RERE: variants seen among roughly 807,000 people sequenced by gnomAD.
RERE encodes the protein arginine-glutamic acid dipeptide repeats protein.
Under a neutral mutation model 146.1 loss-of-function variants are expected in RERE, and 40 were observed. The ratio of observed to expected loss-of-function variants is 0.27; its 90% CI spans 0.21 to 0.36. The LOEUF is 0.36. Ranked by LOEUF, RERE falls within the 10% of genes least tolerant of loss-of-function variation. The probability of loss-of-function intolerance (pLI) is 1.00; values close to 1 mark genes in which losing one functional copy is unlikely to be tolerated. For missense variants in RERE, 1,933 were observed against 2,138.7 expected (o/e 0.90, Z 1.90); for synonymous variants, 1,003 against 866.0 (o/e 1.16, Z -2.78).
Position 8,761,046 on chromosome 1 carries a change from A to C in RERE, c.-145+56114T>G, listed in dbSNP as rs1452203990. Among the ~76,000 whole-genome samples the C allele has an allele frequency of 2.0e-5, 3 of 152,210 alleles. No individual in the cohort carries two copies. In the East Asian group the frequency reaches 5.8e-4, roughly 29 times the overall value. On this transcript the variant is annotated intron_variant, in intron 1 of 22. Coordinates refer to ENST00000400908, the MANE Select transcript of RERE (RefSeq NM_001042681.2). ...GGATTACAGGACAGAGAGGTGGCAG[A>C]ACAAGGATTCAAACCCAATCCTTCT...
intron 1 of RERE, among the ~76,000 whole-genome samples, chr1:8,712,204 C>G (rs1173535600): frequency 2.0e-5 from 3 of 152,194 alleles, no homozygotes; most frequent in Non-Finnish European, 4.4e-5. Context: ...AGGGTGGTTT[C>G]TTGTGTTTTC....
intron 12 of RERE, among the ~76,000 whole-genome samples, chr1:8,406,950 C>T (rs1643460973): frequency 6.6e-6 from 1 of 152,186 alleles, no homozygotes. Context: ...ATCTCCACAA[C>T]AAAACACCCG....
At chr1:8,369,508 TAAAAAAAAAAA>T (rs1186718390) in intron 12 of RERE, among the ~76,000 whole-genome samples, 1,942 of 76,960 alleles carry the variant, frequency 0.025, 30 homozygotes, top group Middle Eastern at 0.037. Context: ...CGCCTTTTAC[TAAAAAAAAAAA>T]AAAAAAAAAA....
intron 1 of RERE, among the ~76,000 whole-genome samples, chr1:8,736,496 C>T (rs1030648751): frequency 9.9e-5 from 15 of 152,206 alleles, no homozygotes; most frequent in South Asian, 4.1e-4. Flanking sequence ...TGTGAGCCAC[C>T]GCGCCCGGCC....
At chr1:8,569,588 T>C (rs188891717) in intron 4 of RERE, among the ~76,000 whole-genome samples, 41 of 152,354 alleles carry the variant, frequency 2.7e-4, no homozygotes, top group Admixed American at 2.6e-3. Flanking sequence ...GATGATGAGC[T>C]ACCATGATAA....
At chr1:8,687,291 G>A (rs1272241998) in intron 1 of RERE, among the ~76,000 whole-genome samples, 1 of 152,214 alleles carries the variant, frequency 6.6e-6, no homozygotes, top group African/African-American at 2.4e-5. Flanking sequence ...GAAAGCACAG[G>A]ATGCCCTGGA....
Position 8,361,561 on chromosome 1 carries a change from C to T in RERE, c.2017-71G>A, listed in dbSNP as rs1570040337. On this transcript the variant is annotated intron_variant, in intron 17 of 22. Coordinates refer to ENST00000400908, the MANE Select transcript of RERE (RefSeq NM_001042681.2). ...CCTGTCTGCTCTGCACCACCAGTGC[C>T]GGACACACAGTAATGTTTGTGCAGA... 1.8e-5 allele frequency: 28 copies of T among 1,555,262 alleles called. No individual in the cohort carries two copies. The South Asian group carries it at 1.9e-4, about 11-fold the overall frequency.
intron 1 of RERE, among the ~76,000 whole-genome samples, chr1:8,699,892 C>T (rs911244503): frequency 6.6e-6 from 1 of 152,186 alleles, no homozygotes; most frequent in Admixed American, 6.5e-5. Context: ...CAACCCTCAG[C>T]CCCCATCTTC....
At chr1:8,425,557 G>A (rs892348497) in intron 11 of RERE, 4 of 152,338 alleles carry the variant, frequency 2.6e-5, no homozygotes, top group Non-Finnish European at 4.4e-5. Context: ...AAGGTCAGAG[G>A]TGGAGAATGG....
chr1:8,482,681 CAAAA>C (rs35501735), intron 10 of RERE, among the ~76,000 whole-genome samples: 1 of 51,210 alleles, frequency 2.0e-5, no homozygotes, highest in African/African-American at 5.1e-5. Flanking sequence ...GATTCTGTTG[CAAAA>C]AAAAAAAAAA....
intron 4 of RERE, among the ~76,000 whole-genome samples, chr1:8,583,708 ATAAAT>A (rs954333476): frequency 9.2e-5 from 14 of 151,988 alleles, no homozygotes; most frequent in African/African-American, 2.4e-4. Flanking sequence ...AATAATTTAA[ATAAAT>A]TAAAGAAAAA....
At chr1:8,575,382 C>A (rs1237871735) in intron 4 of RERE, among the ~76,000 whole-genome samples, 1 of 144,746 alleles carries the variant, frequency 6.9e-6, no homozygotes, top group Admixed American at 6.8e-5. Context: ...AAAAAAGTAA[C>A]CTTTTTTTTT....
intron 1 of RERE, among the ~76,000 whole-genome samples, chr1:8,687,216 G>C (rs764097119): frequency 6.6e-6 from 1 of 152,168 alleles, no homozygotes; most frequent in East Asian, 1.9e-4. Context: ...AAATTACTAT[G>C]TGAGAGGGCA....
At chr1:8,672,906 C>A (rs1336818428) in intron 1 of RERE, among the ~76,000 whole-genome samples, 3 of 152,078 alleles carry the variant, frequency 2.0e-5, no homozygotes, top group African/African-American at 7.2e-5. Context: ...GGGTAAAATA[C>A]CAATTCTATC....
chr1:8,363,969 G>C, intron 15 of RERE, 87 bp downstream of exon 15: 1 of 1,250,630 alleles, frequency 8.0e-7, no homozygotes, highest in Non-Finnish European at 1.1e-6. Context: ...CAAGACTTTC[G>C]CTTCCTCCCC....
At chr1:8,486,793 A>C (rs1000313847) in intron 10 of RERE, among the ~76,000 whole-genome samples, 1 of 151,534 alleles carries the variant, frequency 6.6e-6, no homozygotes, top group African/African-American at 2.4e-5. Flanking sequence ...AAAAGAAAAA[A>C]AGCACTTTCT....
At chr1:8,355,697 G>GCC in intron 21 of RERE, 98 bp from the exon 22 acceptor site, 1 of 1,094,658 alleles carries the variant, frequency 9.1e-7, no homozygotes, top group Admixed American at 2.9e-5. Context: ...GCACAGGAGA[G>GCC]GTGCCAGTTC....
chr1:8,741,169 G>A (rs1640299102), intron 1 of RERE, among the ~76,000 whole-genome samples: 1 of 152,176 alleles, frequency 6.6e-6, no homozygotes, highest in Non-Finnish European at 1.5e-5. Flanking sequence ...TGGAACCACT[G>A]TCATATATTT....
intron 1 of RERE, among the ~76,000 whole-genome samples, chr1:8,788,666 G>GTTT (rs34684190): frequency 3.5e-5 from 5 of 144,578 alleles, no homozygotes; most frequent in East Asian, 2.0e-4. Flanking sequence ...CCCAGCCAGT[G>GTTT]TTTTTTTTTT....
Sources: allele counts gnomAD v4.1 joint callset (sites outside exome capture counted in the v4.1 genomes callset), GRCh38; gene constraint gnomAD v4.1.1; transcripts MANE v1.5; gene names NCBI Gene and HGNC (gene_info 2026-07-23, HGNC 2026-07-21).